MOB3B: variants seen among roughly 807,000 people sequenced by gnomAD.
MOB3B encodes MOB kinase activator 3B, also known as MOB kinase activator-like 2B.
MOB3B carries 7 observed loss-of-function variants against 18.7 expected under a neutral mutation model. The observed-to-expected ratio is 0.37, with a 90% confidence interval of 0.21 to 0.70. The LOEUF is 0.70. MOB3B is among the 30% of genes least tolerant of loss of function. The probability of loss-of-function intolerance (pLI) is 0.52; values close to 1 mark genes in which losing one functional copy is unlikely to be tolerated. For synonymous variants in MOB3B, 111 were observed against 99.9 expected (o/e 1.11, Z -0.66); for missense variants, 253 against 281.3 (o/e 0.90, Z 0.72).
intron 2 of MOB3B, among the ~76,000 whole-genome samples, chr9:27,434,173 C>T (rs1822458469): frequency 6.6e-6 from 1 of 152,302 alleles, no homozygotes; most frequent in South Asian, 2.1e-4. Flanking sequence ...CCTCGGAGGA[C>T]AAATGCTGCC....
chr9:27,344,038 A>C (rs1206867457), intron 3 of MOB3B, among the ~76,000 whole-genome samples: 2 of 152,166 alleles, frequency 1.3e-5, no homozygotes, highest in African/African-American at 4.8e-5. Context: ...TGAACTGTAC[A>C]CTTAAAAATA....
chr9:27,525,785 A>G (rs1322405432), intron 1 of MOB3B, among the ~76,000 whole-genome samples: 1 of 152,238 alleles, frequency 6.6e-6, no homozygotes, highest in Non-Finnish European at 1.5e-5. Context: ...ACAATTTTAC[A>G]TTAGATTTTC....
intron 3 of MOB3B, among the ~76,000 whole-genome samples, chr9:27,343,421 C>T (rs1395076403): frequency 6.7e-6 from 1 of 148,694 alleles, no homozygotes; most frequent in Non-Finnish European, 1.5e-5. Context: ...CACTATTGTC[C>T]TATGACCCTG....
At chr9:27,346,654 A>C (rs1324507528) in intron 3 of MOB3B, among the ~76,000 whole-genome samples, 2 of 152,214 alleles carry the variant, frequency 1.3e-5, no homozygotes, top group East Asian at 3.9e-4. Context: ...AAAATATTTT[A>C]ATAAGACGTG....
At chr9:27,488,623 G>C (rs931431183) in intron 1 of MOB3B, among the ~76,000 whole-genome samples, 9 of 152,118 alleles carry the variant, frequency 5.9e-5, no homozygotes, top group Admixed American at 2.0e-4. Context: ...GGCCAGGCTG[G>C]TCTCGAACTC....
chr9:27,356,244 T>C (rs1026869307), intron 3 of MOB3B, among the ~76,000 whole-genome samples: 2 of 152,200 alleles, frequency 1.3e-5, no homozygotes, highest in Non-Finnish European at 2.9e-5. Context: ...CACATAAATG[T>C]AGGAAGTATA....
intron 1 of MOB3B, among the ~76,000 whole-genome samples, chr9:27,483,285 G>A (rs928760765): frequency 3.8e-4 from 58 of 151,700 alleles, no homozygotes; most frequent in African/African-American, 1.3e-3. Context: ...GGCGCCCGCT[G>A]CCACACCTGG....
At chr9:27,392,914 G>A (rs1821746994) in intron 2 of MOB3B, among the ~76,000 whole-genome samples, 1 of 152,170 alleles carries the variant, frequency 6.6e-6, no homozygotes, top group South Asian at 2.1e-4. Context: ...ACATTCCCTG[G>A]TTTTGTCTTC....
intron 1 of MOB3B, among the ~76,000 whole-genome samples, chr9:27,457,946 A>G (rs910270382): frequency 1.3e-5 from 2 of 152,206 alleles, no homozygotes; most frequent in Non-Finnish European, 2.9e-5. Context: ...CAGGCTTAAG[A>G]AACCTGAGGG....
intron 1 of MOB3B, among the ~76,000 whole-genome samples, chr9:27,501,105 A>G (rs907083861): frequency 2.6e-5 from 4 of 152,160 alleles, no homozygotes; most frequent in African/African-American, 7.2e-5. Context: ...GAAACAACAG[A>G]TGCTGGAGAG....
At chr9:27,429,854 G>C (rs1421453277) in intron 2 of MOB3B, among the ~76,000 whole-genome samples, 1 of 152,188 alleles carries the variant, frequency 6.6e-6, no homozygotes, top group Non-Finnish European at 1.5e-5. Flanking sequence ...AGCACAGATG[G>C]TGTCTCTAAT....
intron 1 of MOB3B, among the ~76,000 whole-genome samples, chr9:27,502,417 T>C (rs1820005184): frequency 6.6e-6 from 1 of 152,240 alleles, no homozygotes; most frequent in Non-Finnish European, 1.5e-5. Flanking sequence ...CCTCTTCAAC[T>C]TGTCATCCTG....
chr9:27,526,673 C>A (rs1378399238), intron 1 of MOB3B, among the ~76,000 whole-genome samples: 2 of 151,992 alleles, frequency 1.3e-5, no homozygotes, highest in African/African-American at 4.8e-5. Flanking sequence ...TTTTAAAGAT[C>A]ACATCTAATC....
intron 2 of MOB3B, among the ~76,000 whole-genome samples, chr9:27,365,005 C>A (rs1821322385): frequency 1.3e-5 from 2 of 152,100 alleles, no homozygotes; most frequent in South Asian, 2.1e-4. Flanking sequence ...GCTGTAAGTT[C>A]TCTGAACAAA....
At position 27,371,652 on chromosome 9, in the gene MOB3B, A is replaced by G. The variant is rs539667506; in HGVS notation, c.419-12416T>C. Among the ~76,000 whole-genome samples the G allele has an allele frequency of 2.0e-5, 3 of 152,306 alleles. No individual in the cohort carries two copies. In the South Asian group the frequency reaches 6.2e-4, roughly 32 times the overall value. On this transcript the variant is annotated intron_variant, in intron 2 of 3. Coordinates refer to ENST00000262244, the MANE Select transcript of MOB3B (RefSeq NM_024761.5). The stretch of plus-strand genomic sequence containing the variant: ...TATTCACATGCCTTCAGGGATTACA[A>G]AGGAACATGAATGAGTAAAGTAGGC...
At chr9:27,380,729 GCT>G (rs1400607732) in intron 2 of MOB3B, among the ~76,000 whole-genome samples, 2 of 150,396 alleles carry the variant, frequency 1.3e-5, no homozygotes, top group Admixed American at 1.3e-4. Context: ...GTAGTCCAGG[GCT>G]CTTAAGCTAT....
chr9:27,341,541 A>G (rs1422988363), intron 3 of MOB3B, among the ~76,000 whole-genome samples: 1 of 152,224 alleles, frequency 6.6e-6, no homozygotes, highest in Non-Finnish European at 1.5e-5. Context: ...GATGGAGTAA[A>G]TAGACATGAA....
chr9:27,492,670 C>G (rs547067923), intron 1 of MOB3B, among the ~76,000 whole-genome samples: 4 of 152,282 alleles, frequency 2.6e-5, no homozygotes, highest in Non-Finnish European at 5.9e-5. Flanking sequence ...GCATCTGGAG[C>G]AGAAGGTAAT....
At chr9:27,414,826 G>A (rs1186685247) in intron 2 of MOB3B, among the ~76,000 whole-genome samples, 1 of 152,074 alleles carries the variant, frequency 6.6e-6, no homozygotes, top group Non-Finnish European at 1.5e-5. Flanking sequence ...GAAATCCCGT[G>A]AGACAGTTTA....
Sources: gnomAD v4.1 joint callset for allele counts (sites outside exome capture counted in the v4.1 genomes callset) on GRCh38, gnomAD v4.1.1 for gene constraint, MANE v1.5 for transcripts, NCBI Gene and HGNC (gene_info 2026-07-23, HGNC 2026-07-21) for gene names.